Variants in CARS1 observed in about 807,000 individuals in gnomAD.
The protein encoded by CARS1 is cysteinyl-tRNA synthetase 1, also known as cysteine--tRNA ligase, cytoplasmic.
In CARS1, 48 loss-of-function variants were observed where a neutral mutation model predicts 106.2. The ratio of observed to expected loss-of-function variants is 0.45; its 90% CI spans 0.36 to 0.57. The LOEUF (loss-of-function observed/expected upper bound fraction) is 0.57. Ranked by LOEUF, CARS1 falls within the 20% of genes least tolerant of loss-of-function variation. The pLI, the probability that CARS1 is intolerant of heterozygous loss-of-function variation, is 0.00. For missense variants in CARS1, 968 were observed against 1,057.2 expected, an observed-to-expected ratio of 0.92 and a Z score of 1.17; for synonymous variants, 409 against 403.4, an observed-to-expected ratio of 1.01 and a Z score of -0.17.
intron 7 of CARS1, among the ~76,000 whole-genome samples, chr11:3,032,051 C>A (rs1852886518): frequency 5.3e-5 from 1 of 18,884 alleles, no homozygotes; most frequent in African/African-American, 2.0e-4. Flanking sequence ...TCCCTCCCTC[C>A]CTCCCTCCCT....
chr11:3,020,786 T>C lies in CARS1; in HGVS notation c.1154-454A>G, dbSNP rs1281555544. On this transcript the variant is annotated intron_variant, in intron 10 of 22. Transcript: ENST00000380525. This position sits in a 1 kb window ranked among gnomAD's most constrained non-coding sequence, Gnocchi z 4.6. ...AAGGGCCCGCACAACTATCTGCTTA[T>C]GGGTCCCGGGGGATACAAGGATGCA... 6.6e-6 allele frequency among the ~76,000 whole-genome samples: 1 copy of C among 152,212 alleles called. No individual in the cohort carries two copies. Among genetic ancestry groups the C allele is most frequent in the Non-Finnish European group, 1.5e-5 (1 of 68,032 alleles).
intron 7 of CARS1, among the ~76,000 whole-genome samples, chr11:3,036,859 G>A (rs1853705146): frequency 6.6e-6 from 1 of 152,148 alleles, no homozygotes; most frequent in Non-Finnish European, 1.5e-5. Flanking sequence ...AGGAAGCAGA[G>A]TCTGACATGC....
chr11:3,016,921 T>C (rs1227574273), intron 16 of CARS1, among the ~76,000 whole-genome samples, 185 bp downstream of exon 16: 1 of 152,180 alleles, frequency 6.6e-6, no homozygotes, highest in Non-Finnish European at 1.5e-5. Flanking sequence ...TTATGGGTGT[T>C]ATTTCTAACG....
At chr11:3,024,592 C>T (rs1851874041) in intron 10 of CARS1, among the ~76,000 whole-genome samples, 1 of 152,130 alleles carries the variant, frequency 6.6e-6, no homozygotes, top group South Asian at 2.1e-4. Flanking sequence ...GGACTATAGG[C>T]ACGTGCCACC....
intron 18 of CARS1, chr11:3,009,458 T>G (rs1850233066): frequency 1.3e-5 from 2 of 152,258 alleles, no homozygotes; most frequent in African/African-American, 4.8e-5. Flanking sequence ...TGCTGTTCCA[T>G]GGGGACAGAG....
chr11:3,015,727 G>T (rs1051263879), intron 17 of CARS1, 54 bp downstream of exon 17: 197 of 1,468,370 alleles, frequency 1.3e-4, no homozygotes, highest in Non-Finnish European at 1.8e-4. Flanking sequence ...ACACAGAGGG[G>T]TAGGGAGTGG....
intron 9 of CARS1, chr11:3,027,083 C>A: frequency 3.2e-6 from 1 of 310,622 alleles, no homozygotes; most frequent in South Asian, 5.4e-5. Context: ...TGCTGCCGTC[C>A]TCATTCTTGT....
chr11:3,028,844 G>A lies in CARS1; in HGVS notation c.1031+152C>T. ...GCTCCTCAGCCCCTGGGTGGGCCCAGAGTTGTAGGAGGAAGTCTGCTGGGA... is the reference window on the plus strand; with the variant it reads ...GCTCCTCAGCCCCTGGGTGGGCCCAAAGTTGTAGGAGGAAGTCTGCTGGGA... On this transcript the variant is annotated intron_variant, in intron 9 of 22. Coordinates refer to ENST00000380525, the MANE Select transcript of CARS1 (RefSeq NM_001014437.3). The surrounding 1 kb of genome is among the most constrained non-coding windows in gnomAD (Gnocchi z 4.4). The A allele has an allele frequency of 1.5e-6, 1 of 648,504 alleles. No individual in the cohort carries two copies. Among genetic ancestry groups the A allele is most frequent in the Non-Finnish European group, 2.8e-6 (1 of 361,498 alleles). The allele number at this position is 648,504 out of a possible 1,614,324, so 40.2% of individuals were successfully genotyped here.
chr11:3,017,340 C>T lies in CARS1; in HGVS notation c.1728-45G>A, dbSNP rs753265185. 1 of 1,568,292 alleles carries T rather than the reference C, an allele frequency of 6.4e-7. No homozygotes were observed. The highest frequency in any genetic ancestry group is 1.4e-5 in the African/African-American group (1 of 74,072). ...GAATGTGAAGTCAGACCTGAAAACA[C>T]ACCATAGAAATTCCCCATGTGGCCA... On this transcript the variant is annotated intron_variant, in intron 15 of 22. Coordinates refer to ENST00000380525, the MANE Select transcript of CARS1 (RefSeq NM_001014437.3). This position sits in a 1 kb window ranked among gnomAD's most constrained non-coding sequence, Gnocchi z 4.9.
chr11:3,054,214 G>C (rs947310002), intron 1 of CARS1, among the ~76,000 whole-genome samples: 1 of 152,060 alleles, frequency 6.6e-6, no homozygotes, highest in Admixed American at 6.5e-5. Flanking sequence ...GCTGCAACTC[G>C]TTCACAAAGG....
chr11:3,029,243 A>T lies in CARS1; in HGVS notation c.942+60T>A, dbSNP rs1852439351. The T allele has an allele frequency of 1.0e-5, 16 of 1,588,496 alleles. No homozygotes were observed. In the South Asian group the frequency reaches 1.7e-4, roughly 17 times the overall value. ...ATTGAGCTGGCCTTGCCAAAACAGG[A>T]ATTTAGAAATCAGGGCCCTTAGCGC... is the stretch of plus-strand genomic sequence containing the variant. On this transcript the variant is annotated intron_variant, in intron 8 of 22. Coordinates refer to ENST00000380525, the MANE Select transcript of CARS1 (RefSeq NM_001014437.3). This position sits in a 1 kb window ranked among gnomAD's most constrained non-coding sequence, Gnocchi z 5.9.
At chr11:3,012,552 C>CTT (rs1850587033) in intron 17 of CARS1, among the ~76,000 whole-genome samples, 1 of 152,262 alleles carries the variant, frequency 6.6e-6, no homozygotes, top group African/African-American at 2.4e-5. Flanking sequence ...CTCTGCCCAG[C>CTT]TGCTGACAGG....
intron 17 of CARS1, among the ~76,000 whole-genome samples, chr11:3,014,470 T>C (rs1255539243): frequency 6.6e-6 from 1 of 152,252 alleles, no homozygotes; most frequent in Non-Finnish European, 1.5e-5. Flanking sequence ...GCCTGGGGGA[T>C]GCGGATGCGT....
rs886182764 is a variant in CARS1 at position 3,019,480 on chromosome 11, G to T, written c.1267-213C>A. Reference sequence around the variant, plus strand: ...CGATGCCGAGGCAGACGGATCACCAGGTCAGGAGTTCAAGACCAGCCTGGC... The same window carrying T: ...CGATGCCGAGGCAGACGGATCACCATGTCAGGAGTTCAAGACCAGCCTGGC... On this transcript the variant is annotated intron_variant, in intron 11 of 22. Coordinates refer to ENST00000380525, the MANE Select transcript of CARS1 (RefSeq NM_001014437.3). This position sits in a 1 kb window ranked among gnomAD's most constrained non-coding sequence, Gnocchi z 6.2. Among the ~76,000 whole-genome samples the T allele has an allele frequency of 6.6e-6, 1 of 152,168 alleles. No homozygotes were observed. Among genetic ancestry groups the T allele is most frequent in the Non-Finnish European group, 1.5e-5 (1 of 68,034 alleles).
intron 14 of CARS1, 40 bp downstream of exon 14, chr11:3,018,368 G>T: frequency 7.2e-7 from 1 of 1,394,964 alleles, no homozygotes; most frequent in Non-Finnish European, 1.0e-6. Context: ...GTGCAGGGGA[G>T]GCTGCTCCAC....
chr11:3,019,305 C>A lies in CARS1; in HGVS notation c.1267-38G>T. The A allele has an allele frequency of 1.5e-6, 2 of 1,375,686 alleles. No individual in the cohort carries two copies. The highest frequency in any genetic ancestry group is 1.9e-6 in the Non-Finnish European group (2 of 1,056,218). The allele number at this position is 1,375,686 out of a possible 1,614,324, so 85.2% of individuals were successfully genotyped here. A position where few individuals can be genotyped will look rare whatever the true frequency, so the allele number is the denominator to read the frequency against. ...GAACACACAGTGACTGACCAGCCTACCCGCTTGTCCAGGCCTTTATCACTT... is the reference window on the plus strand; with the variant it reads ...GAACACACAGTGACTGACCAGCCTAACCGCTTGTCCAGGCCTTTATCACTT... On this transcript the variant is annotated intron_variant, in intron 11 of 22. Transcript: ENST00000380525. This position sits in a 1 kb window ranked among gnomAD's most constrained non-coding sequence, Gnocchi z 6.2.
Position 3,028,569 on chromosome 11 carries a change from A to G in CARS1, c.1031+427T>C, listed in dbSNP as rs942518003. The G allele has an allele frequency of 2.0e-5, 5 of 251,562 alleles. No individual in the cohort carries two copies. Among genetic ancestry groups the G allele is most frequent in the Admixed American group, 1.0e-4 (2 of 19,168 alleles). The allele number at this position is 251,562 out of a possible 1,614,324, so 15.6% of individuals were successfully genotyped here. A position where few individuals can be genotyped will look rare whatever the true frequency, so the allele number is the denominator to read the frequency against. On this transcript the variant is annotated intron_variant, in intron 9 of 22. Transcript: ENST00000380525. The surrounding 1 kb of genome is among the most constrained non-coding windows in gnomAD (Gnocchi z 4.4). ...AGGGAAGTGTATGATGGATTTGCCAACAAAAAGTCACTAAAATCATAGCCA... is the reference window on the plus strand; with the variant it reads ...AGGGAAGTGTATGATGGATTTGCCAGCAAAAAGTCACTAAAATCATAGCCA...
At chr11:3,056,977 C>A (rs914114625) in intron 1 of CARS1, among the ~76,000 whole-genome samples, 5 of 152,188 alleles carry the variant, frequency 3.3e-5, no homozygotes, top group African/African-American at 1.2e-4. Flanking sequence ...CAGACCCTCA[C>A]GCAGGAGTCC....
intron 17 of CARS1, among the ~76,000 whole-genome samples, chr11:3,014,176 G>T (rs1426991349): frequency 6.6e-6 from 1 of 152,178 alleles, no homozygotes; most frequent in Admixed American, 6.5e-5. Flanking sequence ...CAGCCCTAGG[G>T]GCACTGGAGG....
Sources: allele counts gnomAD v4.1 joint callset (sites outside exome capture counted in the v4.1 genomes callset), GRCh38; gene constraint gnomAD v4.1.1; non-coding constraint Gnocchi (gnomAD v3.1); transcripts MANE v1.5; gene names NCBI Gene and HGNC (gene_info 2026-07-23, HGNC 2026-07-21).